The following DMRTC1 variants were observed in gnomAD, a reference collection of about 807,000 sequenced individuals.
The protein encoded by DMRTC1 is DMRT like family C1.
For synonymous variants in DMRTC1, 7 were observed against 14.1 expected (o/e 0.50, Z 1.13); for missense variants, 9 against 34.6 (o/e 0.26, Z 1.86).
intron 1 of DMRTC1, among the ~76,000 whole-genome samples, chrX:72,881,980 A>G (rs781902340): frequency 7.0e-5 from 8 of 114,385 alleles, no homozygotes; most frequent in Non-Finnish European, 1.1e-4. Context: ...AGAGTACTAC[A>G]CTGGGAAGGT....
intron 4 of DMRTC1, among the ~76,000 whole-genome samples, 191 bp downstream of exon 4, chrX:72,874,634 C>T (rs2054789399): frequency 2.0e-5 from 2 of 101,133 alleles, no homozygotes; most frequent in African/African-American, 7.5e-5. Flanking sequence ...GTATTAGATG[C>T]TGCCTTGCCC....
intron 1 of DMRTC1, among the ~76,000 whole-genome samples, chrX:72,887,335 C>T (rs1250097923): frequency 1.6e-3 from 11 of 7,084 alleles, no homozygotes; most frequent in Non-Finnish European, 2.9e-3. Context: ...TGGCTTCCAG[C>T]TTCATCCATG....
In DMRTC1 at chrX:72,913,261, C is replaced by A. The variant is rs1416022926; in HGVS notation, c.-95+30314G>T. On this transcript the variant is annotated intron_variant, in intron 1 of 6. Transcript: ENST00000615063. ...TGCTTTCCTCCCTAGGGGAGGATAC[C>A]GGGCACTCGGAATCTGAGACCACCG... The A allele has an allele frequency of 1.1e-5, 10 of 901,768 alleles. 1 individual carries two copies. Among genetic ancestry groups the A allele is most frequent in the East Asian group, 9.9e-5 (3 of 30,176 alleles). The allele number at this position is 901,768 out of a possible 1,213,427, so 74.3% of individuals were successfully genotyped here.
intron 1 of DMRTC1, among the ~76,000 whole-genome samples, chrX:72,925,908 T>C (rs1288068360): frequency 1.4e-5 from 1 of 70,742 alleles, no homozygotes; most frequent in Non-Finnish European, 2.5e-5. Flanking sequence ...AGAGTAGTGG[T>C]TACCAGAAGC....
chrX:72,872,661 CCTGGA>C, intron 6 of DMRTC1, 97 bp from the exon 7 acceptor site: 1 of 1,126,210 alleles, frequency 8.9e-7, no homozygotes, highest in African/African-American at 1.9e-5. Context: ...AGATTTGTCA[CCTGGA>C]CTGTTGCATA....
In DMRTC1 at chrX:72,880,607, C is replaced by CTTTGCTTTGCTTTGCTTTGCTTTGT. The variant is rs2054845863; in HGVS notation, c.-94-4820_-94-4819insACAAAGCAAAGCAAAGCAAAGCAAA. On this transcript the variant is annotated intron_variant, in intron 1 of 6. Coordinates refer to ENST00000615063, the MANE Select transcript of DMRTC1 (RefSeq NM_033053.3). The stretch of plus-strand genomic sequence containing the variant: ...CCAGAGTTTGCTTTGCTTTGCTTTG[C>CTTTGCTTTGCTTTGCTTTGCTTTGT]TTTGCTTTGCTTTGCTTTGCTTTGC... Among the ~76,000 whole-genome samples, 10 of 17,789 alleles carry CTTTGCTTTGCTTTGCTTTGCTTTGT rather than the reference C, an allele frequency of 5.6e-4. No homozygotes were observed. In the East Asian group the frequency reaches 8.0e-3, roughly 14 times the overall value. 15.4% of individuals were successfully genotyped at this position (17,789 alleles called of 115,157 possible).
chrX:72,913,512 T>C (rs2054968744), intron 1 of DMRTC1: 17 of 409,078 alleles, frequency 4.2e-5, no homozygotes, highest in Non-Finnish European at 7.1e-5. Context: ...TCCTTAGCCC[T>C]GTTAGGCTGT....
chrX:72,874,655 TCTC>T (rs1455922814), intron 4 of DMRTC1, among the ~76,000 whole-genome samples, 167 bp downstream of exon 4: 7 of 96,638 alleles, frequency 7.2e-5, no homozygotes, highest in African/African-American at 1.6e-4. Context: ...TCCTCCTTCT[TCTC>T]CTCCTCCTCC....
chrX:72,886,926 A>G (rs1603286185), intron 1 of DMRTC1, among the ~76,000 whole-genome samples: 1 of 101,148 alleles, frequency 9.9e-6, no homozygotes, highest in African/African-American at 3.8e-5. Context: ...AGTGTCTTGA[A>G]GTTTTCATTG....
intron 4 of DMRTC1, among the ~76,000 whole-genome samples, chrX:72,874,429 G>A (rs1307886131): frequency 2.6e-5 from 1 of 38,741 alleles, no homozygotes; most frequent in Non-Finnish European, 4.2e-5. Context: ...GTTTCATGTG[G>A]CATAACAACC....
intron 1 of DMRTC1, among the ~76,000 whole-genome samples, chrX:72,879,372 TTCCC>T (rs2054830076): frequency 2.5e-5 from 1 of 39,462 alleles, no homozygotes; most frequent in Non-Finnish European, 4.6e-5. Flanking sequence ...TTCCCTTCCC[TTCCC>T]TTCCCTTCCC....
intron 1 of DMRTC1, among the ~76,000 whole-genome samples, chrX:72,905,559 G>T (rs2054923104): frequency 2.7e-5 from 1 of 37,075 alleles, no homozygotes; most frequent in Admixed American, 3.4e-4. Context: ...CCAGGCTGGA[G>T]TGCAGTGGCG....
chrX:72,913,521 G>A (rs2147893075), intron 1 of DMRTC1: 2 of 407,724 alleles, frequency 4.9e-6, no homozygotes, highest in South Asian at 7.4e-5. Flanking sequence ...CTGTTAGGCT[G>A]TCTGCCCTCC....
At chrX:72,905,775 C>T (rs1488893916) in intron 1 of DMRTC1, among the ~76,000 whole-genome samples, 4 of 80,525 alleles carry the variant, frequency 5.0e-5, no homozygotes, top group Non-Finnish European at 9.1e-5. Context: ...GCTGGAATTA[C>T]AGGCGTGAGT....
At chrX:72,887,034 TTTTAC>T (rs2054884861) in intron 1 of DMRTC1, among the ~76,000 whole-genome samples, 6 of 95,750 alleles carry the variant, frequency 6.3e-5, no homozygotes, top group Non-Finnish European at 6.2e-5. Flanking sequence ...TTTTTTTTAA[TTTTAC>T]TTTAAGTTCA....
intron 1 of DMRTC1, among the ~76,000 whole-genome samples, chrX:72,886,971 CT>C: frequency 9.2e-6 from 1 of 108,160 alleles, no homozygotes; most frequent in East Asian, 2.8e-4. Context: ...ACATTTATTC[CT>C]AGATACTTTT....
At chrX:72,902,888 C>A (rs2054911788) in intron 1 of DMRTC1, among the ~76,000 whole-genome samples, 1 of 56,824 alleles carries the variant, frequency 1.8e-5, no homozygotes, top group African/African-American at 1.1e-4. Context: ...GAGTGTTTTC[C>A]TGATACCAAA....
At chrX:72,913,422 G>A in intron 1 of DMRTC1, 1 of 436,412 alleles carries the variant, frequency 2.3e-6, no homozygotes, top group Non-Finnish European at 4.1e-6. Flanking sequence ...GGCATTTGAT[G>A]TAACTTTCAA....
chrX:72,902,909 GACAC>G (rs377421921), intron 1 of DMRTC1, among the ~76,000 whole-genome samples: 678 of 56,475 alleles, frequency 0.012, 4 homozygotes, highest in Non-Finnish European at 0.013. Context: ...ACCAGACAAA[GACAC>G]ACACACACAC....
Sources: allele counts gnomAD v4.1 joint callset (sites outside exome capture counted in the v4.1 genomes callset), GRCh38; gene constraint gnomAD v4.1.1; transcripts MANE v1.5; gene names NCBI Gene and HGNC (gene_info 2026-07-23, HGNC 2026-07-21).